The following ATG16L1 variants were observed in gnomAD, a reference collection of about 807,000 sequenced individuals.
ATG16L1 encodes the protein autophagy related 16 like 1.
Under a neutral mutation model 88.5 loss-of-function variants are expected in ATG16L1, and 37 were observed. The ratio of observed to expected loss-of-function variants is 0.42; its 90% CI spans 0.32 to 0.55. The LOEUF (loss-of-function observed/expected upper bound fraction) is 0.55, where lower values mean the gene tolerates loss of function less well. Among genes scored for constraint, ATG16L1 ranks in the 20% least tolerant of loss-of-function variants. The probability of loss-of-function intolerance (pLI) is 0.13; values close to 1 mark genes in which losing one functional copy is unlikely to be tolerated. For missense variants in ATG16L1, 554 were observed against 752.8 expected, an observed-to-expected ratio of 0.74 and a Z score of 3.09; for synonymous variants, 301 against 281.0, an observed-to-expected ratio of 1.07 and a Z score of -0.71.
intron 12 of ATG16L1, among the ~76,000 whole-genome samples, chr2:233,288,366 C>T (rs1165425227): frequency 1.3e-5 from 2 of 152,166 alleles, no homozygotes; most frequent in African/African-American, 2.4e-5. Flanking sequence ...CTTGCAGCCT[C>T]GACCTTCTGG....
chr2:233,265,236 A>G, intron 5 of ATG16L1, 93 bp downstream of exon 5: 1 of 1,475,144 alleles, frequency 6.8e-7, no homozygotes, highest in Non-Finnish European at 9.2e-7. Flanking sequence ...CAGTTACTAC[A>G]GGAGGTTTAC....
intron 10 of ATG16L1, among the ~76,000 whole-genome samples, chr2:233,280,236 C>T (rs1698634505): frequency 6.6e-6 from 1 of 152,206 alleles, no homozygotes; most frequent in African/African-American, 2.4e-5. Context: ...GAAATGTTTT[C>T]TGTTCTGTGT....
chr2:233,264,263 C>G lies in ATG16L1; in HGVS notation c.389+198C>G, dbSNP rs78645970. 7.0e-3 allele frequency among the ~76,000 whole-genome samples: 1,065 copies of G among 152,320 alleles called. 19 individuals carry two copies. The highest frequency in any genetic ancestry group is 0.024 in the African/African-American group (996 of 41,578). On this transcript the variant is annotated intron_variant, in intron 4 of 17. Transcript: ENST00000392017. ...AAAAAGCAAGGACAGTGCCCACAGG[C>G]TTCTAGCATCCTCCTAGGGATGTCA...
intron 12 of ATG16L1, among the ~76,000 whole-genome samples, chr2:233,289,376 G>GGGGTGTGTGTGTGTGTGTGT (rs757994844): frequency 1.8e-5 from 1 of 55,226 alleles, no homozygotes; most frequent in Non-Finnish European, 4.6e-5. Context: ...TCCTGTTTGG[G>GGGGTGTGTGTGTGTGTGTGT]ATGTGTGTGT....
chr2:233,292,517 A>C lies in ATG16L1; in HGVS notation c.1628+83A>C. The C allele has an allele frequency of 3.8e-6, 6 of 1,572,882 alleles. No homozygotes were observed. The South Asian group carries it at 6.8e-5, about 18-fold the overall frequency. On this transcript the variant is annotated intron_variant, in intron 16 of 17. Coordinates refer to ENST00000392017, the MANE Select transcript of ATG16L1 (RefSeq NM_030803.7). ...ATTTTCCCACTGGGGATATAGAGCTAAATTTTGTTCAGTGCCCAACCTATG... is the reference window on the plus strand; with the variant it reads ...ATTTTCCCACTGGGGATATAGAGCTCAATTTTGTTCAGTGCCCAACCTATG...
At chr2:233,291,391 C>CCCTTGGGACTCACTT (rs1233375093) in intron 14 of ATG16L1, among the ~76,000 whole-genome samples, 3 of 152,184 alleles carry the variant, frequency 2.0e-5, no homozygotes, top group African/African-American at 7.2e-5. Flanking sequence ...CAGGTGAAGA[C>CCCTTGGGACTCACTT]CCTGAGTCCC....
chr2:233,252,914 GAAT>G (rs1696483374), intron 1 of ATG16L1, among the ~76,000 whole-genome samples: 3 of 152,318 alleles, frequency 2.0e-5, no homozygotes, highest in East Asian at 1.9e-4. Context: ...ATGATATTCA[GAAT>G]AATAATTGCT....
At chr2:233,289,030 T>C (rs1699272176) in intron 12 of ATG16L1, 2 of 420,170 alleles carry the variant, frequency 4.8e-6, no homozygotes, top group East Asian at 1.2e-4. Flanking sequence ...TGACCTTGTC[T>C]AGTCTGACTT....
chr2:233,289,052 C>T (rs1190411177), intron 12 of ATG16L1: 1 of 403,122 alleles, frequency 2.5e-6, no homozygotes, highest in Admixed American at 2.9e-5. Context: ...AAATATGGAA[C>T]TGACTTTCAG....
At chr2:233,271,937 A>G (rs1455549148) in intron 6 of ATG16L1, among the ~76,000 whole-genome samples, 1 of 152,240 alleles carries the variant, frequency 6.6e-6, no homozygotes, top group Admixed American at 6.5e-5. Flanking sequence ...ATGTGGTGCA[A>G]TAATTACACA....
Position 233,290,036 on chromosome 2 carries a change from T to C in ATG16L1, c.1324+62T>C, listed in dbSNP as rs771468968. 1.9e-6 allele frequency: 3 copies of C among 1,598,026 alleles called. No homozygotes were observed. In the Admixed American group the frequency reaches 5.0e-5, roughly 27 times the overall value. On this transcript the variant is annotated intron_variant, in intron 13 of 17. Coordinates refer to ENST00000392017, the MANE Select transcript of ATG16L1 (RefSeq NM_030803.7). Reference sequence around the variant, plus strand: ...TAGATGTTAGCGTGGAGGTGTGTGTTTGCACGTCAGAGCCTGCATTTATGT... The same window carrying C: ...TAGATGTTAGCGTGGAGGTGTGTGTCTGCACGTCAGAGCCTGCATTTATGT...
intron 12 of ATG16L1, among the ~76,000 whole-genome samples, chr2:233,286,676 A>T (rs927644148): frequency 7.6e-6 from 1 of 131,246 alleles, no homozygotes; most frequent in African/African-American, 3.0e-5. Context: ...CCCAGGCTGG[A>T]GTGCAGTGGC....
chr2:233,270,986 A>G (rs1697953387), intron 6 of ATG16L1, among the ~76,000 whole-genome samples: 1 of 152,226 alleles, frequency 6.6e-6, no homozygotes, highest in Non-Finnish European at 1.5e-5. Context: ...TTACAAAGAA[A>G]CAAAGGTTCC....
chr2:233,266,634 A>G (rs148870256), intron 5 of ATG16L1, among the ~76,000 whole-genome samples: 23 of 152,342 alleles, frequency 1.5e-4, no homozygotes, highest in Non-Finnish European at 2.8e-4. Flanking sequence ...AAGGGTGATG[A>G]TGGAAAAACA....
At chr2:233,293,498 G>A (rs1699606460) in intron 17 of ATG16L1, 141 bp downstream of exon 17, 2 of 737,706 alleles carry the variant, frequency 2.7e-6, no homozygotes, top group East Asian at 5.3e-5. Flanking sequence ...AGCTAGGTCA[G>A]TGGAGAGAAG....
Position 233,274,671 on chromosome 2 carries a change from C to G in ATG16L1, c.852-5C>G. 6.3e-7 allele frequency: 1 copy of G among 1,597,124 alleles called. No individual in the cohort carries two copies. Among genetic ancestry groups the G allele is most frequent in the South Asian group, 1.1e-5 (1 of 90,568 alleles). On this transcript the variant is annotated splice_polypyrimidine_tract_variant and splice_region_variant and intron_variant, in intron 8 of 17. Transcript: ENST00000392017. ...TCTAATATTTGTCTTTATGTTATTT[C>G]TTAGGAGACGCTCTGTCTCTTCCTT... is the stretch of plus-strand genomic sequence containing the variant.
rs555865478 is a variant in ATG16L1 at position 233,270,765 on chromosome 2, A to G, written c.707+698A>G. 2.0e-5 allele frequency among the ~76,000 whole-genome samples: 3 copies of G among 152,326 alleles called. No homozygotes were observed. The East Asian group carries it at 5.8e-4, about 29-fold the overall frequency. Reference sequence around the variant, plus strand: ...TGGAGCTTTTCCTAATCTGCCTACAAGTTAAGGTGGGGTATCTTCTCTGAG... The same window carrying G: ...TGGAGCTTTTCCTAATCTGCCTACAGGTTAAGGTGGGGTATCTTCTCTGAG... On this transcript the variant is annotated intron_variant, in intron 6 of 17. Transcript: ENST00000392017.
intron 2 of ATG16L1, among the ~76,000 whole-genome samples, chr2:233,261,422 C>T (rs1224644054): frequency 6.6e-6 from 1 of 152,152 alleles, no homozygotes; most frequent in East Asian, 1.9e-4. Context: ...GATAATTATT[C>T]TGCCTGATTT....
chr2:233,279,001 C>T (rs1698552984), intron 10 of ATG16L1, among the ~76,000 whole-genome samples: 1 of 151,972 alleles, frequency 6.6e-6, no homozygotes, highest in East Asian at 1.9e-4. Flanking sequence ...AAAATGAGAC[C>T]CTGCCTCTAC....
Sources: allele counts gnomAD v4.1 joint callset (sites outside exome capture counted in the v4.1 genomes callset), GRCh38; gene constraint gnomAD v4.1.1; transcripts MANE v1.5; gene names NCBI Gene and HGNC (gene_info 2026-07-23, HGNC 2026-07-21).